LOXHD1: variants seen among roughly 807,000 people sequenced by gnomAD.
The protein encoded by LOXHD1 is lipoxygenase homology domain-containing protein 1.
In LOXHD1, 205 loss-of-function variants were observed where a neutral mutation model predicts 248.2. The observed-to-expected ratio is 0.83, with a 90% CI of 0.74 to 0.93. LOXHD1 has a LOEUF of 0.93. LOXHD1 is among the 40% of genes least tolerant of loss of function. LOXHD1 has a pLI of 0.00. For missense variants in LOXHD1, 2,930 were observed against 2,971.6 expected (o/e 0.99, Z 0.33); for synonymous variants, 1,113 against 1,162.8 (o/e 0.96, Z 0.87).
chr18:46,608,369 C>A (rs755476697), intron 6 of LOXHD1, among the ~76,000 whole-genome samples: 18 of 152,168 alleles, frequency 1.2e-4, no homozygotes, highest in Non-Finnish European at 1.8e-4. Context: ...GCATATGAAC[C>A]TGCCTCCTTG....
chr18:46,563,867 T>A (rs1730194232), intron 17 of LOXHD1, among the ~76,000 whole-genome samples: 1 of 151,376 alleles, frequency 6.6e-6, no homozygotes, highest in Admixed American at 6.6e-5. Context: ...ACCAGGTGAG[T>A]CCACAGTGAT....
At chr18:46,486,183 CAGT>C (rs2033037181) in intron 38 of LOXHD1, among the ~76,000 whole-genome samples, 1 of 152,162 alleles carries the variant, frequency 6.6e-6, no homozygotes. Flanking sequence ...CTGGAGGACA[CAGT>C]AAGTGTCTGG....
At chr18:46,519,953 T>C (rs933242175) in intron 33 of LOXHD1, among the ~76,000 whole-genome samples, 1 of 151,176 alleles carries the variant, frequency 6.6e-6, no homozygotes, top group Non-Finnish European at 1.5e-5. Context: ...TGGATTTTCC[T>C]GGACTAAAGG....
intron 14 of LOXHD1, among the ~76,000 whole-genome samples, chr18:46,575,837 C>T (rs1040115017): frequency 2.0e-5 from 3 of 152,218 alleles, no homozygotes; most frequent in African/African-American, 7.2e-5. Flanking sequence ...CTGCTCTCCC[C>T]TCCTCCCTGG....
intron 2 of LOXHD1, among the ~76,000 whole-genome samples, chr18:46,646,464 A>C (rs2039031912): frequency 6.6e-6 from 1 of 152,142 alleles, no homozygotes; most frequent in Non-Finnish European, 1.5e-5. Flanking sequence ...AGTTCTTGTC[A>C]CAGCCAGACT....
intron 6 of LOXHD1, among the ~76,000 whole-genome samples, chr18:46,606,069 A>G (rs1302779801): frequency 6.6e-6 from 1 of 152,230 alleles, no homozygotes; most frequent in Non-Finnish European, 1.5e-5. Flanking sequence ...TTTAGTCTTT[A>G]TGAAATAGGA....
chr18:46,549,808 C>T (rs559958235), intron 21 of LOXHD1, among the ~76,000 whole-genome samples: 1 of 152,240 alleles, frequency 6.6e-6, no homozygotes, highest in African/African-American at 2.4e-5. Flanking sequence ...TCTTATAGGA[C>T]CCCCCAGGCC....
intron 6 of LOXHD1, among the ~76,000 whole-genome samples, chr18:46,608,556 T>G (rs2038457475): frequency 6.6e-6 from 1 of 152,216 alleles, no homozygotes; most frequent in Non-Finnish European, 1.5e-5. Context: ...TGCCCTGCCC[T>G]GGCTGAGGTC....
At chr18:46,495,339 C>T (rs1363152286) in intron 37 of LOXHD1, among the ~76,000 whole-genome samples, 1 of 152,260 alleles carries the variant, frequency 6.6e-6, no homozygotes, top group Non-Finnish European at 1.5e-5. Context: ...TCTTGATTTT[C>T]CTCTATGAAC....
chr18:46,589,361 G>T (rs2038122194), intron 12 of LOXHD1, among the ~76,000 whole-genome samples: 1 of 152,170 alleles, frequency 6.6e-6, no homozygotes, highest in Non-Finnish European at 1.5e-5. Flanking sequence ...CAAGGCCCTT[G>T]CTTGACAGAA....
In LOXHD1 at chr18:46,639,795, T is replaced by G. The variant is rs751978115; in HGVS notation, c.332A>C (p.Glu111Ala). 2 of 1,551,584 alleles carry G rather than the reference T, an allele frequency of 1.3e-6. No individual in the cohort carries two copies. The highest frequency in any genetic ancestry group is 1.7e-6 in the Non-Finnish European group (2 of 1,147,004). Residue 111 changes from glutamate to alanine, a missense_variant, in exon 4 of 41, where the codon GAG becomes GCG. Glu to Ala is a moderately radical substitution (Grantham distance 107). Transcript: ENST00000642948. The part of the protein sequence containing the change: ...NVGLIYKVRI[E>A]HDNTGLNASW... ...GGCATTCAAGCCCGTGTTGTCATGCTCAATCCTGAGGCAGAAGCCAAGGCC... is the reference window on the plus strand; with the variant it reads ...GGCATTCAAGCCCGTGTTGTCATGCGCAATCCTGAGGCAGAAGCCAAGGCC...
intron 21 of LOXHD1, among the ~76,000 whole-genome samples, chr18:46,556,087 C>G (rs913553427): frequency 5.4e-5 from 8 of 147,604 alleles, no homozygotes; most frequent in Admixed American, 2.0e-4. Flanking sequence ...TTTCAGTGTC[C>G]AACACTGAAA....
intron 12 of LOXHD1, among the ~76,000 whole-genome samples, chr18:46,580,274 C>T (rs983690151): frequency 6.6e-6 from 1 of 152,248 alleles, no homozygotes; most frequent in Non-Finnish European, 1.5e-5. Flanking sequence ...TCCCAGTAAA[C>T]CTTTTGCCTT....
At chr18:46,559,710 A>G in intron 19 of LOXHD1, 108 bp from the exon 20 acceptor site, 1 of 1,228,310 alleles carries the variant, frequency 8.1e-7, no homozygotes. Context: ...AGGGATCTTC[A>G]GATGCATCTA....
At chr18:46,645,552 G>A (rs943709089) in intron 2 of LOXHD1, among the ~76,000 whole-genome samples, 1 of 152,190 alleles carries the variant, frequency 6.6e-6, no homozygotes, top group Non-Finnish European at 1.5e-5. Context: ...AGGTGGCCCT[G>A]GTTAATGGGG....
At chr18:46,552,948 G>A (rs901385598) in intron 21 of LOXHD1, among the ~76,000 whole-genome samples, 2 of 151,992 alleles carry the variant, frequency 1.3e-5, no homozygotes, top group African/African-American at 4.8e-5. Flanking sequence ...CATTTCTAAT[G>A]TTCTTTTTCC....
chr18:46,581,782 G>A (rs988455715), intron 12 of LOXHD1, among the ~76,000 whole-genome samples: 2 of 152,212 alleles, frequency 1.3e-5, no homozygotes, highest in South Asian at 2.1e-4. Context: ...CAAAGATGAA[G>A]AGAGAATCTT....
chr18:46,597,140 C>T (rs1032298900), intron 8 of LOXHD1, among the ~76,000 whole-genome samples: 3 of 152,010 alleles, frequency 2.0e-5, no homozygotes, highest in Admixed American at 1.3e-4. Flanking sequence ...AAATAGCATG[C>T]AGAACTATTA....
rs1568169278 is a variant in LOXHD1 at position 46,547,062 on chromosome 18, T to C, written c.3351-4A>G. On this transcript the variant is annotated splice_polypyrimidine_tract_variant and splice_region_variant and intron_variant, in intron 21 of 40. Coordinates refer to ENST00000642948, the MANE Select transcript of LOXHD1 (RefSeq NM_001384474.1). ...ACGTTGGCATGGAAAGTAGTACCTGTGGGGGTGGATAGGGAAAGATTGGAA... is the reference window on the plus strand; with the variant it reads ...ACGTTGGCATGGAAAGTAGTACCTGCGGGGGTGGATAGGGAAAGATTGGAA... The C allele has an allele frequency of 8.4e-6, 13 of 1,551,458 alleles. No homozygotes were observed. The highest frequency in any genetic ancestry group is 1.4e-5 in the African/African-American group (1 of 73,018).
Sources: gnomAD v4.1 joint callset for allele counts (sites outside exome capture counted in the v4.1 genomes callset) on GRCh38, gnomAD v4.1.1 for gene constraint, MANE v1.5 for transcripts, NCBI Gene and HGNC (gene_info 2026-07-23, HGNC 2026-07-21) for gene names.